The following ATE1 variants were observed in gnomAD, a reference collection of about 807,000 sequenced individuals.
The protein encoded by ATE1 is arginyl-tRNA--protein transferase 1.
A neutral mutation model predicts 70.5 loss-of-function variants in ATE1; 36 were observed. The ratio of observed to expected loss-of-function variants is 0.51; its 90% CI spans 0.39 to 0.67. The LOEUF is 0.67. Ranked by LOEUF, ATE1 falls within the 30% of genes least tolerant of loss-of-function variation. ATE1 has a pLI of 0.00. For missense variants in ATE1, 593 were observed against 629.5 expected (o/e 0.94, Z 0.62); for synonymous variants, 232 against 219.3 (o/e 1.06, Z -0.51).
intron 10 of ATE1, among the ~76,000 whole-genome samples, chr10:121,799,527 C>T (rs923374423): frequency 6.6e-6 from 1 of 152,020 alleles, no homozygotes; most frequent in African/African-American, 2.4e-5. Context: ...AATACCTGTC[C>T]ATCAAAATTT....
chr10:121,905,968 C>G (rs1002189667), intron 5 of ATE1, among the ~76,000 whole-genome samples: 2 of 152,202 alleles, frequency 1.3e-5, no homozygotes, highest in Non-Finnish European at 2.9e-5. Flanking sequence ...TATACCAACC[C>G]TGCACCCACA....
chr10:121,806,461 C>T (rs1454823755), intron 10 of ATE1, among the ~76,000 whole-genome samples: 2 of 151,994 alleles, frequency 1.3e-5, no homozygotes, highest in South Asian at 2.1e-4. Context: ...TCCCCCACCC[C>T]CAAAAAACCC....
chr10:121,909,541 C>G (rs1951337645), intron 5 of ATE1, among the ~76,000 whole-genome samples: 1 of 151,920 alleles, frequency 6.6e-6, no homozygotes, highest in Admixed American at 6.6e-5. Context: ...CTAGATGAAA[C>G]AAGAGTGGCT....
chr10:121,784,442 T>A (rs1590288475), intron 11 of ATE1, among the ~76,000 whole-genome samples: 1 of 152,356 alleles, frequency 6.6e-6, no homozygotes, highest in East Asian at 1.9e-4. Context: ...TGTTTCTTAG[T>A]GTTTTCACTA....
intron 7 of ATE1, among the ~76,000 whole-genome samples, chr10:121,878,119 T>A (rs1022419578): frequency 1.3e-5 from 2 of 151,762 alleles, no homozygotes; most frequent in Non-Finnish European, 2.9e-5. Flanking sequence ...GACTGGAGAG[T>A]GTATGCTGTA....
intron 4 of ATE1, among the ~76,000 whole-genome samples, chr10:121,911,892 G>A (rs1388509228): frequency 1.3e-5 from 2 of 151,954 alleles, no homozygotes; most frequent in African/African-American, 2.4e-5. Flanking sequence ...GACCACAGGC[G>A]CCCACCACCA....
At chr10:121,856,571 T>C (rs1002378812) in intron 8 of ATE1, among the ~76,000 whole-genome samples, 2 of 152,228 alleles carry the variant, frequency 1.3e-5, no homozygotes, top group Admixed American at 1.3e-4. Flanking sequence ...GCAGGTACTA[T>C]GGGTTTTGTT....
At chr10:121,797,981 G>A (rs1012747689) in intron 10 of ATE1, among the ~76,000 whole-genome samples, 3 of 152,148 alleles carry the variant, frequency 2.0e-5, no homozygotes, top group Non-Finnish European at 4.4e-5. Context: ...GATCACTAAT[G>A]TGTTCCAAAA....
intron 10 of ATE1, among the ~76,000 whole-genome samples, chr10:121,791,055 C>CGTGTGT: frequency 7.4e-6 from 1 of 135,880 alleles, no homozygotes; most frequent in East Asian, 2.1e-4. Context: ...TATATGTATA[C>CGTGTGT]GTGTGTGTGT....
chr10:121,758,586 T>A (rs1257651689), intron 11 of ATE1, among the ~76,000 whole-genome samples: 2 of 152,230 alleles, frequency 1.3e-5, no homozygotes, highest in African/African-American at 4.8e-5. Context: ...GGAGGAAATA[T>A]AACCATACGT....
At chr10:121,766,039 TA>T (rs1945266222) in intron 11 of ATE1, among the ~76,000 whole-genome samples, 1 of 152,202 alleles carries the variant, frequency 6.6e-6, no homozygotes, top group African/African-American at 2.4e-5. Context: ...TTTACTCTTG[TA>T]AAACTTGGTT....
At chr10:121,921,779 C>A (rs563001224) in intron 3 of ATE1, among the ~76,000 whole-genome samples, 1 of 152,172 alleles carries the variant, frequency 6.6e-6, no homozygotes. Flanking sequence ...TAGCCCACCC[C>A]CTTCTGTGAA....
intron 11 of ATE1, among the ~76,000 whole-genome samples, chr10:121,774,111 T>C (rs1161885442): frequency 1.3e-5 from 2 of 152,054 alleles, no homozygotes; most frequent in East Asian, 1.9e-4. Context: ...TATAACACAG[T>C]GGTTGATCAG....
intron 10 of ATE1, among the ~76,000 whole-genome samples, chr10:121,808,827 G>A (rs898202893): frequency 3.3e-5 from 5 of 152,088 alleles, no homozygotes; most frequent in African/African-American, 9.7e-5. Context: ...CACCAAAATC[G>A]CACTAGCAGT....
In ATE1 at chr10:121,741,522, T is replaced by C. The variant is rs1372708956; in HGVS notation, c.*2158A>G. 1 of 152,186 alleles carries C rather than the reference T, an allele frequency of 6.6e-6. No homozygotes were observed. The highest frequency in any genetic ancestry group is 2.4e-5 in the African/African-American group (1 of 41,444). The allele number at this position is 152,186 out of a possible 1,614,324, so 9.4% of individuals were successfully genotyped here. On this transcript the variant is annotated 3_prime_UTR_variant, in exon 12 of 12. Coordinates refer to ENST00000224652, the MANE Select transcript of ATE1 (RefSeq NM_001001976.3). ...AAGAAACCAGAGTTGTGGTAAGATGTTGGAGTCAAGTTTTCTCTTCATCTG... is the reference window on the plus strand; with the variant it reads ...AAGAAACCAGAGTTGTGGTAAGATGCTGGAGTCAAGTTTTCTCTTCATCTG...
intron 10 of ATE1, among the ~76,000 whole-genome samples, chr10:121,818,769 GAATATA>G (rs1947665814): frequency 1.3e-5 from 2 of 152,126 alleles, no homozygotes; most frequent in South Asian, 4.1e-4. Context: ...GAAGACTCCT[GAATATA>G]AACAGGCTAG....
intron 10 of ATE1, among the ~76,000 whole-genome samples, chr10:121,832,979 C>T (rs762204908): frequency 6.6e-6 from 1 of 152,088 alleles, no homozygotes; most frequent in Non-Finnish European, 1.5e-5. Context: ...TGACAGGTCC[C>T]AACAAAAGCT....
chr10:121,831,949 T>C (rs1385140572), intron 10 of ATE1, among the ~76,000 whole-genome samples: 1 of 152,168 alleles, frequency 6.6e-6, no homozygotes, highest in African/African-American at 2.4e-5. Flanking sequence ...ATAGTGACCA[T>C]AAATTATTCT....
chr10:121,744,289 AG>A (rs1944259444), intron 11 of ATE1, among the ~76,000 whole-genome samples: 1 of 152,066 alleles, frequency 6.6e-6, no homozygotes, highest in Admixed American at 6.5e-5. Context: ...ATCTTTGATG[AG>A]TATGTTCAAG....
Sources: gnomAD v4.1 joint callset for allele counts (sites outside exome capture counted in the v4.1 genomes callset) on GRCh38, gnomAD v4.1.1 for gene constraint, MANE v1.5 for transcripts, NCBI Gene and HGNC (gene_info 2026-07-23, HGNC 2026-07-21) for gene names.